MYO16: variants seen among roughly 807,000 people sequenced by gnomAD.
MYO16 encodes the protein unconventional myosin-XVI.
MYO16 carries 94 observed loss-of-function variants against 205.3 expected under a neutral mutation model. The observed-to-expected ratio is 0.46, with a 90% confidence interval of 0.39 to 0.54. The LOEUF (loss-of-function observed/expected upper bound fraction) is 0.54, where lower values mean the gene tolerates loss of function less well. MYO16 is among the 20% of genes least tolerant of loss of function. The pLI is 0.00. For synonymous variants in MYO16, 988 were observed against 954.0 expected (o/e 1.04, Z -0.66); for missense variants, 2,315 against 2,387.5 (o/e 0.97, Z 0.63).
At chr13:108,697,762 A>G (rs1232576802) in intron 2 of MYO16, among the ~76,000 whole-genome samples, 1 of 151,742 alleles carries the variant, frequency 6.6e-6, no homozygotes, top group African/African-American at 2.4e-5. Flanking sequence ...TCACTTTGTC[A>G]CCCAGGCTGG....
chr13:108,747,386 C>T (rs777920927), intron 4 of MYO16, among the ~76,000 whole-genome samples: 56 of 151,986 alleles, frequency 3.7e-4, no homozygotes, highest in Admixed American at 1.5e-3. Context: ...AATATCATAG[C>T]GGGTACAGAG....
At chr13:108,680,089 C>T (rs1882399048) in intron 2 of MYO16, among the ~76,000 whole-genome samples, 1 of 152,164 alleles carries the variant, frequency 6.6e-6, no homozygotes, top group Non-Finnish European at 1.5e-5. Flanking sequence ...TTTGCTGCCT[C>T]CCAGTTTGGT....
intron 20 of MYO16, among the ~76,000 whole-genome samples, chr13:108,980,310 A>T (rs1303547771): frequency 6.6e-6 from 1 of 152,232 alleles, no homozygotes; most frequent in Non-Finnish European, 1.5e-5. Context: ...ATATAAAGGA[A>T]AAAATTCATT....
chr13:108,990,440 G>A (rs1337868068), intron 20 of MYO16, among the ~76,000 whole-genome samples: 1 of 152,014 alleles, frequency 6.6e-6, no homozygotes, highest in Non-Finnish European at 1.5e-5. Flanking sequence ...TACTTATCCT[G>A]CAAAGGAGTT....
Position 109,140,863 on chromosome 13 carries a change from C to T in MYO16, c.4651C>T (p.Pro1551Ser). Residue 1551 changes from proline to serine, a missense_variant, in exon 32 of 35, where the codon CCC (proline) becomes TCC (serine). This residue lies in a region of MYO16 where 1,097 missense variants were observed against 1,092.0 expected (regional missense o/e 1.00). Coordinates refer to ENST00000457511, the MANE Select transcript of MYO16 (RefSeq NM_001198950.3). This position sits in a 1 kb window ranked among gnomAD's most constrained non-coding sequence, Gnocchi z 8.0. ...LPVLETNLKY[P>S]VQPEGSSPLS... ...AGTCCTGGAGACCAACCTCAAGTAC[C>T]CCGTGCAGCCGGAGGGGTCGAGCCC... The T allele has an allele frequency of 6.3e-7, 1 of 1,597,342 alleles. No homozygotes were observed. The highest frequency in any genetic ancestry group is 1.1e-5 in the South Asian group (1 of 89,098).
the MYO16 span, among the ~76,000 whole-genome samples, chr13:108,531,115 G>A: frequency 1.3e-5 from 2 of 152,314 alleles, no homozygotes; most frequent in Admixed American, 1.3e-4. Context: ...TGGTTTCCAG[G>A]AAGTAAAAGA....
chr13:108,985,482 G>C (rs1161751801), intron 20 of MYO16, among the ~76,000 whole-genome samples: 1 of 152,184 alleles, frequency 6.6e-6, no homozygotes, highest in Non-Finnish European at 1.5e-5. Flanking sequence ...TGACAGCGTA[G>C]CATGTAGCTG....
In MYO16 at chr13:109,022,432, A is replaced by G. The variant is rs1211775288; in HGVS notation, c.2796+2521A>G. ...ATATATTGTATATACAAATATAAAC[A>G]TATGTATATATTTATGTTATATATA... is the stretch of plus-strand genomic sequence containing the variant. On this transcript the variant is annotated intron_variant, in intron 23 of 34. Transcript: ENST00000457511. Among the ~76,000 whole-genome samples the G allele has an allele frequency of 1.5e-4, 19 of 126,806 alleles. No individual in the cohort carries two copies. In the Admixed American group the frequency reaches 1.5e-3, roughly 10 times the overall value. 83.2% of individuals were successfully genotyped at this position (126,806 alleles called of 152,430 possible). A position where few individuals can be genotyped will look rare whatever the true frequency, so the allele number is the denominator to read the frequency against.
In MYO16 at chr13:108,850,590, C is replaced by A. The variant is rs540446715; in HGVS notation, c.1249-4853C>A. 1.3e-4 allele frequency among the ~76,000 whole-genome samples: 20 copies of A among 152,196 alleles called. 1 individual carries two copies. The East Asian group carries it at 3.5e-3, about 26-fold the overall frequency. On this transcript the variant is annotated intron_variant, in intron 10 of 34. Coordinates refer to ENST00000457511, the MANE Select transcript of MYO16 (RefSeq NM_001198950.3). ...ATTGTTTGGTAGACATTGGTGGTGC[C>A]CACTTTTCAGCCTACAACTGCAACA... is the stretch of plus-strand genomic sequence containing the variant.
chr13:108,823,389 T>A, intron 9 of MYO16, 111 bp downstream of exon 9: 6 of 992,716 alleles, frequency 6.0e-6, no homozygotes, highest in Non-Finnish European at 8.7e-6. Context: ...TTAAAATGGT[T>A]TATCAATGTA....
chr13:108,684,971 G>A (rs921838425), intron 2 of MYO16, among the ~76,000 whole-genome samples: 18 of 151,756 alleles, frequency 1.2e-4, no homozygotes, highest in African/African-American at 1.7e-4. Context: ...TGAGTTCTGG[G>A]AGTTGTCCTA....
At chr13:108,959,864 A>C (rs1330620220) in intron 17 of MYO16, among the ~76,000 whole-genome samples, 1 of 151,994 alleles carries the variant, frequency 6.6e-6, no homozygotes, top group African/African-American at 2.4e-5. Context: ...CTATTTTCAC[A>C]GCTCTGTAAA....
chr13:108,921,068 A>G (rs1281141492), intron 16 of MYO16, among the ~76,000 whole-genome samples: 1 of 152,236 alleles, frequency 6.6e-6, no homozygotes, highest in African/African-American at 2.4e-5. Context: ...ATGTGGCTGT[A>G]GCAAACAGCA....
At chr13:108,821,816 T>G (rs1875986536) in intron 8 of MYO16, among the ~76,000 whole-genome samples, 1 of 152,174 alleles carries the variant, frequency 6.6e-6, no homozygotes, top group African/African-American at 2.4e-5. Context: ...CTCAGGCAAC[T>G]TTTACCACAT....
intron 23 of MYO16, among the ~76,000 whole-genome samples, chr13:109,041,365 T>C (rs1394561478): frequency 6.6e-6 from 1 of 152,204 alleles, no homozygotes; most frequent in Non-Finnish European, 1.5e-5. Flanking sequence ...TATAAAGGTA[T>C]AGATGATACC....
chr13:108,748,149 A>G (rs1340928401), intron 4 of MYO16, among the ~76,000 whole-genome samples: 1 of 152,114 alleles, frequency 6.6e-6, no homozygotes, highest in Admixed American at 6.5e-5. Context: ...GAACAAACAT[A>G]CAAAATATGT....
At chr13:109,132,482 C>T (rs571394111) in intron 31 of MYO16, among the ~76,000 whole-genome samples, 1 of 152,196 alleles carries the variant, frequency 6.6e-6, no homozygotes, top group Non-Finnish European at 1.5e-5. Context: ...TCTAGAACAA[C>T]ATGTGTCACA....
chr13:108,525,444 GT>G, the MYO16 span, among the ~76,000 whole-genome samples: 1 of 152,146 alleles, frequency 6.6e-6, no homozygotes, highest in Non-Finnish European at 1.5e-5. Flanking sequence ...AGGTTGCTGT[GT>G]TTTATTATTT....
chr13:108,875,559 G>A (rs897795001), intron 12 of MYO16, among the ~76,000 whole-genome samples: 1 of 152,132 alleles, frequency 6.6e-6, no homozygotes, highest in Non-Finnish European at 1.5e-5. Context: ...CAAGAAAGGG[G>A]AGCTGAGAGA....
Sources: allele counts gnomAD v4.1 joint callset (sites outside exome capture counted in the v4.1 genomes callset), GRCh38; gene constraint gnomAD v4.1.1; regional missense constraint gnomAD v4.1.1; non-coding constraint Gnocchi (gnomAD v3.1); transcripts MANE v1.5; gene names NCBI Gene and HGNC (gene_info 2026-07-23, HGNC 2026-07-21).